Variants in FAM13C observed in about 807,000 individuals in gnomAD.
FAM13C encodes family with sequence similarity 13 member C.
In FAM13C, 37 loss-of-function variants were observed where a neutral mutation model predicts 73.2. The observed-to-expected ratio is 0.51, with a 90% CI of 0.39 to 0.67. The LOEUF is 0.67. Among genes scored for constraint, FAM13C ranks in the 30% least tolerant of loss-of-function variants. The probability of loss-of-function intolerance (pLI) is 0.00; values close to 1 mark genes in which losing one functional copy is unlikely to be tolerated. For synonymous variants in FAM13C, 246 were observed against 260.9 expected (o/e 0.94, Z 0.55); for missense variants, 589 against 715.6 (o/e 0.82, Z 2.02).
At chr10:59,329,342 G>GTTTTTTTTTTTTT in intron 3 of FAM13C, among the ~76,000 whole-genome samples, 1 of 77,310 alleles carries the variant, frequency 1.3e-5, no homozygotes, top group Non-Finnish European at 2.5e-5. Flanking sequence ...TTTCTTTCTG[G>GTTTTTTTTTTTTT]TTTTTTTTTT....
intron 7 of FAM13C, among the ~76,000 whole-genome samples, chr10:59,269,293 C>G (rs1008739204): frequency 1.3e-5 from 2 of 151,986 alleles, no homozygotes; most frequent in African/African-American, 4.8e-5. Flanking sequence ...ATATTTTTAG[C>G]CAAGGGATTC....
At chr10:59,265,677 A>T (rs1230963917) in intron 8 of FAM13C, among the ~76,000 whole-genome samples, 3 of 152,190 alleles carry the variant, frequency 2.0e-5, no homozygotes, top group Non-Finnish European at 2.9e-5. Context: ...CAAAAGAAAT[A>T]AGTTTTTACT....
intron 12 of FAM13C, among the ~76,000 whole-genome samples, chr10:59,252,073 C>G (rs998399493): frequency 2.0e-5 from 3 of 152,140 alleles, no homozygotes; most frequent in Non-Finnish European, 4.4e-5. Context: ...TATTCTTAAT[C>G]TAGAGAAATA....
intron 13 of FAM13C, among the ~76,000 whole-genome samples, chr10:59,248,299 G>T (rs561088208): frequency 2.6e-5 from 4 of 152,240 alleles, no homozygotes; most frequent in African/African-American, 9.6e-5. Context: ...CCACTGAGCT[G>T]TTCCTTGATT....
chr10:59,270,371 C>A, intron 6 of FAM13C: 1 of 399,502 alleles, frequency 2.5e-6, no homozygotes, highest in Non-Finnish European at 4.5e-6. Flanking sequence ...CCCCAAACTA[C>A]AAAACAATCT....
chr10:59,281,692 G>T (rs1844938243), intron 6 of FAM13C, among the ~76,000 whole-genome samples: 1 of 152,138 alleles, frequency 6.6e-6, no homozygotes, highest in African/African-American at 2.4e-5. Context: ...TATAACAAGT[G>T]ATAATAAGCT....
chr10:59,287,331 T>A (rs189763331), intron 5 of FAM13C, among the ~76,000 whole-genome samples: 2,243 of 64,500 alleles, frequency 0.035, 82 homozygotes, highest in African/African-American at 0.13. Context: ...AGTGAGACTC[T>A]GTCTCAAAAA....
intron 4 of FAM13C, among the ~76,000 whole-genome samples, chr10:59,303,623 T>G (rs934177656): frequency 6.6e-6 from 1 of 152,204 alleles, no homozygotes; most frequent in African/African-American, 2.4e-5. Context: ...GGATGTGGTT[T>G]GTTCCCACCA....
chr10:59,264,315 GT>G, intron 8 of FAM13C, 149 bp from the exon 9 acceptor site: 1 of 616,074 alleles, frequency 1.6e-6, no homozygotes, highest in Non-Finnish European at 2.8e-6. Context: ...AGAAATTCGG[GT>G]GTGAAATTTC....
At chr10:59,276,424 A>T (rs1003634412) in intron 6 of FAM13C, among the ~76,000 whole-genome samples, 2 of 149,808 alleles carry the variant, frequency 1.3e-5, no homozygotes, top group East Asian at 2.5e-4. Context: ...CATTTACCAC[A>T]GGAGATGAGC....
intron 5 of FAM13C, among the ~76,000 whole-genome samples, chr10:59,291,857 C>G (rs976501544): frequency 1.7e-4 from 23 of 135,228 alleles, no homozygotes; most frequent in African/African-American, 6.5e-4. Flanking sequence ...GGTGTGATCT[C>G]GGCTCACTGC....
intron 4 of FAM13C, among the ~76,000 whole-genome samples, chr10:59,307,676 AC>A (rs1243135646): frequency 2.6e-5 from 4 of 152,174 alleles, no homozygotes; most frequent in Non-Finnish European, 5.9e-5. Context: ...CGGAAGGATA[AC>A]AAAAAGAAAT....
intron 13 of FAM13C, among the ~76,000 whole-genome samples, chr10:59,248,168 T>G (rs1840907131): frequency 6.6e-6 from 1 of 152,184 alleles, no homozygotes; most frequent in Admixed American, 6.5e-5. Context: ...AGGAATTTCA[T>G]TATAAAAATA....
At chr10:59,274,057 G>T (rs1390871489) in intron 6 of FAM13C, among the ~76,000 whole-genome samples, 2 of 152,072 alleles carry the variant, frequency 1.3e-5, no homozygotes, top group South Asian at 4.1e-4. Flanking sequence ...GCCTTTGTTG[G>T]TTTCAAATGA....
intron 8 of FAM13C, among the ~76,000 whole-genome samples, chr10:59,265,335 G>A (rs74151079): frequency 0.64 from 10,196 of 15,952 alleles, 4,284 homozygotes; most frequent in South Asian, 0.74. Flanking sequence ...GGGGGGGGGG[G>A]AATCCTGGTT....
intron 4 of FAM13C, among the ~76,000 whole-genome samples, chr10:59,318,533 T>C (rs1436419526): frequency 1.3e-5 from 2 of 152,154 alleles, no homozygotes; most frequent in Non-Finnish European, 2.9e-5. Flanking sequence ...CCCAAATTCC[T>C]TATGTTAGAG....
At chr10:59,324,477 A>G (rs1374868426) in intron 3 of FAM13C, among the ~76,000 whole-genome samples, 2 of 152,032 alleles carry the variant, frequency 1.3e-5, no homozygotes, top group African/African-American at 4.8e-5. Flanking sequence ...TTTATGCAAG[A>G]ATAAACATAT....
intron 3 of FAM13C, among the ~76,000 whole-genome samples, chr10:59,348,836 A>G (rs1474841744): frequency 6.6e-6 from 1 of 152,036 alleles, no homozygotes; most frequent in Non-Finnish European, 1.5e-5. Flanking sequence ...GGGCTTCACT[A>G]TGTTGGCCAG....
intron 13 of FAM13C, among the ~76,000 whole-genome samples, chr10:59,249,344 CAGTGAGCCG>C (rs925048942): frequency 5.1e-4 from 70 of 135,996 alleles, no homozygotes; most frequent in African/African-American, 1.8e-3. Flanking sequence ...GCGGAGCTTG[CAGTGAGCCG>C]AGATCGCGTC....
Sources: gnomAD v4.1 joint callset for allele counts (sites outside exome capture counted in the v4.1 genomes callset) on GRCh38, gnomAD v4.1.1 for gene constraint, MANE v1.5 for transcripts, NCBI Gene and HGNC (gene_info 2026-07-23, HGNC 2026-07-21) for gene names.